The following EDARADD variants were observed in gnomAD, a reference collection of about 807,000 sequenced individuals.
The protein encoded by EDARADD is EDAR associated via death domain.
Under a neutral mutation model 25.6 loss-of-function variants are expected in EDARADD, and 20 were observed. That is an observed-to-expected ratio of 0.78 (90% confidence interval 0.55 to 1.14). The LOEUF (loss-of-function observed/expected upper bound fraction) is 1.14, where lower values mean the gene tolerates loss of function less well. Among genes scored for constraint, EDARADD ranks in the 50% most tolerant of loss-of-function variants. The pLI is 0.00. For missense variants in EDARADD, 225 were observed against 270.1 expected, an observed-to-expected ratio of 0.83 and a Z score of 1.17; for synonymous variants, 86 against 94.4, an observed-to-expected ratio of 0.91 and a Z score of 0.52.
chr1:236,410,257 C>G (rs12022489), intron 2 of EDARADD, among the ~76,000 whole-genome samples: 1 of 152,038 alleles, frequency 6.6e-6, no homozygotes, highest in Non-Finnish European at 1.5e-5. Context: ...ACCCTCCCCC[C>G]TTTTGGAGTC....
chr1:236,392,490 A>AAT (rs1337855331), upstream of EDARADD, among the ~76,000 whole-genome samples: 1 of 56,408 alleles, frequency 1.8e-5, no homozygotes, highest in Non-Finnish European at 4.1e-5. Flanking sequence ...ATGCTCAGCT[A>AAT]ATTTTTTTTT....
intron 3 of EDARADD, among the ~76,000 whole-genome samples, chr1:236,368,429 T>C (rs1393604710): frequency 6.8e-6 from 1 of 147,516 alleles, no homozygotes; most frequent in Admixed American, 6.9e-5. Flanking sequence ...CCAGCCCCAA[T>C]CCAGTCTTTT....
At chr1:236,441,866 T>G (rs1658411952) in intron 4 of EDARADD, among the ~76,000 whole-genome samples, 1 of 152,020 alleles carries the variant, frequency 6.6e-6, no homozygotes, top group African/African-American at 2.4e-5. Flanking sequence ...GCTGAGAGAA[T>G]TGAGGAAGCT....
intron 3 of EDARADD, among the ~76,000 whole-genome samples, chr1:236,380,325 CA>C (rs923382383): frequency 7.2e-5 from 11 of 152,152 alleles, no homozygotes; most frequent in African/African-American, 2.2e-4. Flanking sequence ...ATTTTACTTT[CA>C]TTTTTTTTAA....
intron 4 of EDARADD, among the ~76,000 whole-genome samples, chr1:236,428,690 A>ACT (rs1658000194): frequency 8.6e-6 from 1 of 116,384 alleles, no homozygotes; most frequent in South Asian, 3.0e-4. Context: ...CACTTCCCAG[A>ACT]CTGGGCTGCC....
chr1:236,426,168 T>C (rs891660253), intron 3 of EDARADD, among the ~76,000 whole-genome samples: 1 of 151,938 alleles, frequency 6.6e-6, no homozygotes, highest in South Asian at 2.1e-4. Flanking sequence ...TTTTTGAGAC[T>C]GGGTCTCACT....
At chr1:236,415,951 C>T (rs1657629092) in intron 3 of EDARADD, among the ~76,000 whole-genome samples, 1 of 152,228 alleles carries the variant, frequency 6.6e-6, no homozygotes, top group South Asian at 2.1e-4. Context: ...TAACGTGAGT[C>T]TCCCCAGCAG....
chr1:236,432,311 C>A (rs550822882), intron 4 of EDARADD, among the ~76,000 whole-genome samples: 3 of 151,852 alleles, frequency 2.0e-5, no homozygotes, highest in South Asian at 4.2e-4. Flanking sequence ...ATCGCTTAAA[C>A]CTGGGAAGCA....
intron 3 of EDARADD, among the ~76,000 whole-genome samples, chr1:236,356,294 A>G (rs1158274442): frequency 2.0e-5 from 3 of 152,170 alleles, no homozygotes; most frequent in Non-Finnish European, 4.4e-5. Flanking sequence ...ATATTTCTGG[A>G]AACAGTAGAG....
At chr1:236,455,369 G>A (rs1450820606) in intron 4 of EDARADD, among the ~76,000 whole-genome samples, 1 of 152,236 alleles carries the variant, frequency 6.6e-6, no homozygotes, top group Non-Finnish European at 1.5e-5. Flanking sequence ...ATTTGCTGGA[G>A]ATGATATCTG....
chr1:236,417,908 G>T (rs560109702), intron 3 of EDARADD, among the ~76,000 whole-genome samples: 1 of 151,214 alleles, frequency 6.6e-6, no homozygotes, highest in Non-Finnish European at 1.5e-5. Flanking sequence ...AGTGTATTTA[G>T]AAGTTAAAGA....
chr1:236,484,008 T>C lies in EDARADD; in HGVS notation c.*1359T>C. ...TGACTGTCTGGCTGACCTGTACAAG[T>C]CCTTCATCAAAAACTACCCAGTGGT... On this transcript the variant is annotated 3_prime_UTR_variant, in exon 6 of 6. Coordinates refer to ENST00000334232, the MANE Select transcript of EDARADD (RefSeq NM_145861.4). This position sits in a 1 kb window ranked among gnomAD's most constrained non-coding sequence, Gnocchi z 4.1. 1.4e-6 allele frequency: 2 copies of C among 1,449,832 alleles called. No individual in the cohort carries two copies. The highest frequency in any genetic ancestry group is 1.9e-6 in the Non-Finnish European group (2 of 1,032,494). The allele number at this position is 1,449,832 out of a possible 1,614,324, so 89.8% of individuals were successfully genotyped here.
chr1:236,433,634 A>G (rs1275489886), intron 4 of EDARADD, among the ~76,000 whole-genome samples: 1 of 151,834 alleles, frequency 6.6e-6, no homozygotes, highest in Admixed American at 6.6e-5. Context: ...TTTCAAAATG[A>G]CCTTATGCAG....
intron 4 of EDARADD, among the ~76,000 whole-genome samples, chr1:236,441,918 C>A (rs1432724728): frequency 6.6e-6 from 1 of 152,078 alleles, no homozygotes; most frequent in Non-Finnish European, 1.5e-5. Flanking sequence ...GGTTCATGAG[C>A]TTAAGGAAAG....
In EDARADD at chr1:236,463,696, C is replaced by T. The variant is rs538649100; in HGVS notation, c.220-4535C>T. Among the ~76,000 whole-genome samples the T allele has an allele frequency of 4.0e-4, 61 of 152,336 alleles. No homozygotes were observed. In the South Asian group the frequency reaches 0.012, roughly 29 times the overall value. ...TCCAGAACTTCTCTGTCTTCCCAAACTGAAATTCTGTACCCATTGAACGGT... is the reference window on the plus strand; with the variant it reads ...TCCAGAACTTCTCTGTCTTCCCAAATTGAAATTCTGTACCCATTGAACGGT... On this transcript the variant is annotated intron_variant, in intron 4 of 5. Coordinates refer to ENST00000334232, the MANE Select transcript of EDARADD (RefSeq NM_145861.4).
chr1:236,367,471 C>T (rs1167070013), intron 3 of EDARADD, among the ~76,000 whole-genome samples: 3 of 152,112 alleles, frequency 2.0e-5, no homozygotes, highest in East Asian at 1.9e-4. Context: ...TCAGGTGATC[C>T]GCCCACCTCA....
At chr1:236,407,664 G>A (rs1667761641) in intron 1 of EDARADD, among the ~76,000 whole-genome samples, 1 of 152,158 alleles carries the variant, frequency 6.6e-6, no homozygotes, top group Non-Finnish European at 1.5e-5. Flanking sequence ...GCGGACCCAC[G>A]ACTGCCACTT....
chr1:236,418,496 C>T (rs531017294), intron 3 of EDARADD, among the ~76,000 whole-genome samples: 5 of 152,228 alleles, frequency 3.3e-5, no homozygotes, highest in African/African-American at 4.8e-5. Flanking sequence ...CCATCCACCT[C>T]GGCCTCCTAA....
intron 5 of EDARADD, among the ~76,000 whole-genome samples, chr1:236,477,410 G>T (rs1210410897): frequency 6.6e-6 from 1 of 152,152 alleles, no homozygotes; most frequent in African/African-American, 2.4e-5. Context: ...AGCTACTCGG[G>T]AGGCTCAGGC....
Sources: allele counts gnomAD v4.1 joint callset (sites outside exome capture counted in the v4.1 genomes callset), GRCh38; gene constraint gnomAD v4.1.1; non-coding constraint Gnocchi (gnomAD v3.1); transcripts MANE v1.5; gene names NCBI Gene and HGNC (gene_info 2026-07-23, HGNC 2026-07-21).